Variants in HS3ST5 observed in about 807,000 individuals in gnomAD.
The protein encoded by HS3ST5 is heparan sulfate-glucosamine 3-sulfotransferase 5.
In HS3ST5, 10 loss-of-function variants were observed where a neutral mutation model predicts 25.4. The ratio of observed to expected loss-of-function variants is 0.39; its 90% CI spans 0.24 to 0.67. HS3ST5 has a LOEUF of 0.67. Ranked by LOEUF, HS3ST5 falls within the 30% of genes least tolerant of loss-of-function variation. The pLI, the probability that HS3ST5 is intolerant of heterozygous loss-of-function variation, is 0.44. For synonymous variants in HS3ST5, 170 were observed against 162.4 expected, an observed-to-expected ratio of 1.05 and a Z score of -0.36; for missense variants, 324 against 420.7, an observed-to-expected ratio of 0.77 and a Z score of 2.01.
At chr6:114,224,264 G>A (rs1782179287) in intron 2 of HS3ST5, among the ~76,000 whole-genome samples, 1 of 151,546 alleles carries the variant, frequency 6.6e-6, no homozygotes, top group Non-Finnish European at 1.5e-5. Flanking sequence ...AGAAATAAGT[G>A]TATTTTTTAT....
intron 2 of HS3ST5, among the ~76,000 whole-genome samples, chr6:114,196,665 A>AT (rs1162462995): frequency 3.9e-5 from 6 of 152,144 alleles, no homozygotes. Flanking sequence ...AAAAAAAAAA[A>AT]AAAGACCTAA....
intron 3 of HS3ST5, among the ~76,000 whole-genome samples, chr6:114,064,962 G>A (rs1175339232): frequency 6.6e-6 from 1 of 152,142 alleles, no homozygotes; most frequent in Non-Finnish European, 1.5e-5. Flanking sequence ...GGTGTGGTTG[G>A]ACAAAGGTAG....
At chr6:114,158,174 G>A (rs898589667) in intron 3 of HS3ST5, among the ~76,000 whole-genome samples, 1 of 152,182 alleles carries the variant, frequency 6.6e-6, no homozygotes, top group African/African-American at 2.4e-5. Flanking sequence ...TGTGGACAGT[G>A]TCTGAACTAT....
intron 2 of HS3ST5, among the ~76,000 whole-genome samples, chr6:114,209,812 A>C (rs1781435391): frequency 6.6e-6 from 1 of 152,152 alleles, no homozygotes; most frequent in Admixed American, 6.6e-5. Context: ...TGAAAATACA[A>C]ACACACACAT....
chr6:114,104,949 C>T (rs1049888976), intron 3 of HS3ST5, among the ~76,000 whole-genome samples: 2 of 151,768 alleles, frequency 1.3e-5, no homozygotes, highest in Non-Finnish European at 2.9e-5. Context: ...TTTACAAGAG[C>T]ACTTTCAAAC....
intron 1 of HS3ST5, among the ~76,000 whole-genome samples, chr6:114,291,237 C>A (rs1774564107): frequency 6.6e-6 from 1 of 152,104 alleles, no homozygotes; most frequent in African/African-American, 2.4e-5. Flanking sequence ...AAGCAGAAGG[C>A]TGATAAAAAC....
chr6:114,184,288 A>C (rs1780110627), intron 2 of HS3ST5, among the ~76,000 whole-genome samples: 1 of 152,024 alleles, frequency 6.6e-6, no homozygotes, highest in Admixed American at 6.6e-5. Flanking sequence ...AGACAGAATT[A>C]TTAAGCAAAA....
rs928840719 is a variant in HS3ST5 at position 114,130,572 on chromosome 6, A to AT, written c.-33+37778dup. Among the ~76,000 whole-genome samples the AT allele has an allele frequency of 8.5e-4, 129 of 151,382 alleles. 1 individual carries two copies. Among genetic ancestry groups the AT allele is most frequent in the African/African-American group, 3.0e-3 (122 of 41,248 alleles). Reference sequence around the variant, plus strand: ...GGGAAATACAGACCCTGTTGTTACAATTTTTTTTTCTTTTTGAGACGGAGT... The same window carrying AT: ...GGGAAATACAGACCCTGTTGTTACAATTTTTTTTTTCTTTTTGAGACGGAGT... On this transcript the variant is annotated intron_variant, in intron 3 of 4. Coordinates refer to ENST00000312719, the MANE Select transcript of HS3ST5 (RefSeq NM_153612.4).
At chr6:114,067,611 T>A (rs1431493330) in intron 3 of HS3ST5, among the ~76,000 whole-genome samples, 1 of 152,180 alleles carries the variant, frequency 6.6e-6, no homozygotes, top group Admixed American at 6.6e-5. Context: ...CTGAGATGCC[T>A]TAAATGTGCC....
At chr6:114,208,933 A>G (rs1470327818) in intron 2 of HS3ST5, among the ~76,000 whole-genome samples, 2 of 152,192 alleles carry the variant, frequency 1.3e-5, no homozygotes, top group African/African-American at 4.8e-5. Flanking sequence ...GGGCTATACT[A>G]TAAGCTCACT....
intron 3 of HS3ST5, among the ~76,000 whole-genome samples, chr6:114,099,516 A>G (rs889028120): frequency 1.3e-5 from 2 of 152,154 alleles, no homozygotes; most frequent in Non-Finnish European, 2.9e-5. Flanking sequence ...GAGTACTGCA[A>G]AAGTCATTGA....
Position 114,140,744 on chromosome 6 carries a change from A to G in HS3ST5, c.-33+27607T>C, listed in dbSNP as rs554310647. Among the ~76,000 whole-genome samples the G allele has an allele frequency of 4.0e-4, 61 of 152,310 alleles. 2 individuals carry two copies. Among genetic ancestry groups the G allele is most frequent in the Middle Eastern group, 6.8e-3 (2 of 294 alleles). On this transcript the variant is annotated intron_variant, in intron 3 of 4. Coordinates refer to ENST00000312719, the MANE Select transcript of HS3ST5 (RefSeq NM_153612.4). Reference sequence around the variant, plus strand: ...CTCTGAGATTGAGCCACAAGGGAGAAACGTGACTGTTCTGTCAAAAATGGC... The same window carrying G: ...CTCTGAGATTGAGCCACAAGGGAGAGACGTGACTGTTCTGTCAAAAATGGC...
chr6:114,184,054 CTTTTTTT>C (rs34370810), intron 2 of HS3ST5, among the ~76,000 whole-genome samples: 2 of 78,738 alleles, frequency 2.5e-5, no homozygotes, highest in African/African-American at 1.0e-4. Context: ...TTTTTCCTTT[CTTTTTTT>C]TTTTTTTTTT....
intron 3 of HS3ST5, among the ~76,000 whole-genome samples, chr6:114,161,519 TTTTATATATATATATATATATATA>T (rs1778946986): frequency 2.1e-5 from 1 of 46,976 alleles, no homozygotes; most frequent in Non-Finnish European, 4.1e-5. Flanking sequence ...CTTCCTGAAG[TTTTATATATATATATATATATATA>T]TATATATATA....
At chr6:114,189,743 C>T (rs1363977162) in intron 2 of HS3ST5, among the ~76,000 whole-genome samples, 1 of 152,082 alleles carries the variant, frequency 6.6e-6, no homozygotes, top group Admixed American at 6.6e-5. Context: ...TCTCTGTTTC[C>T]TGCAAGGTGT....
chr6:114,326,761 A>C (rs1776191413), intron 1 of HS3ST5, among the ~76,000 whole-genome samples: 1 of 152,182 alleles, frequency 6.6e-6, no homozygotes, highest in South Asian at 2.1e-4. Flanking sequence ...TTTAAACTTC[A>C]GAATATTATG....
chr6:114,264,051 T>C (rs1262634501), intron 1 of HS3ST5, among the ~76,000 whole-genome samples: 2 of 152,182 alleles, frequency 1.3e-5, no homozygotes, highest in African/African-American at 4.8e-5. Flanking sequence ...TAGGTGTGTC[T>C]AAACAAATAC....
chr6:114,306,256 T>TATATATATATATATGTAC (rs756494412), intron 1 of HS3ST5, among the ~76,000 whole-genome samples: 19 of 115,420 alleles, frequency 1.6e-4, no homozygotes, highest in East Asian at 8.2e-4. Context: ...TATATATATA[T>TATATATATATATATGTAC]ACACACACAC....
chr6:114,290,344 T>A (rs765425011), intron 1 of HS3ST5, among the ~76,000 whole-genome samples: 7 of 152,152 alleles, frequency 4.6e-5, no homozygotes, highest in Admixed American at 1.3e-4. Context: ...TTGCTCTTTT[T>A]TGGAATTTCA....
Sources: allele counts gnomAD v4.1 joint callset (sites outside exome capture counted in the v4.1 genomes callset), GRCh38; gene constraint gnomAD v4.1.1; transcripts MANE v1.5; gene names NCBI Gene and HGNC (gene_info 2026-07-23, HGNC 2026-07-21).